The following DLG2 variants were observed in gnomAD, a reference collection of about 807,000 sequenced individuals.
DLG2 encodes the protein disks large homolog 2.
Under a neutral mutation model 132.5 loss-of-function variants are expected in DLG2, and 45 were observed. The observed-to-expected ratio is 0.34, with a 90% confidence interval of 0.27 to 0.44. The LOEUF (loss-of-function observed/expected upper bound fraction) is 0.44, where lower values mean the gene tolerates loss of function less well. Among genes scored for constraint, DLG2 ranks in the 20% least tolerant of loss-of-function variants. The pLI is 1.00. For synonymous variants in DLG2, 424 were observed against 419.6 expected (o/e 1.01, Z -0.13); for missense variants, 1,045 against 1,196.9 (o/e 0.87, Z 1.87).
At chr11:85,313,184 C>T (rs572301812) in intron 3 of DLG2, among the ~76,000 whole-genome samples, 2 of 152,032 alleles carry the variant, frequency 1.3e-5, no homozygotes, top group South Asian at 4.2e-4. Flanking sequence ...GGTGATCCCC[C>T]TTCCTCTTTT....
In DLG2 at chr11:85,111,733, T is replaced by C. The variant is rs373639792; in HGVS notation, c.285A>G (p.Gln95=). ...TCTGGGCTGGGCATCTGCCTTGGTT[T>C]TGCTGCAAATAAGTAAAAATTATAT... ...FENETDETTT[Q]NQGRCPAQNC... Residue 95 remains glutamine, a splice_region_variant and synonymous_variant, in exon 6 of 28, where the codon CAA becomes CAG. Transcript: ENST00000376104. 1 of 1,554,294 alleles carries C rather than the reference T, an allele frequency of 6.4e-7. No homozygotes were observed. Among genetic ancestry groups the C allele is most frequent in the Non-Finnish European group, 8.7e-7 (1 of 1,148,298 alleles).
chr11:85,118,371 T>C (rs74427247), intron 5 of DLG2, among the ~76,000 whole-genome samples: 2,959 of 152,166 alleles, frequency 0.019, 51 homozygotes, highest in Admixed American at 0.041. Context: ...CAGGCAGACA[T>C]TTGCCCAGGT....
chr11:85,452,773 G>A (rs949620482), intron 3 of DLG2: 2 of 155,288 alleles, frequency 1.3e-5, no homozygotes, highest in Non-Finnish European at 2.9e-5. Flanking sequence ...TCAACAACCA[G>A]AGGTTGTTGA....
At chr11:83,594,882 G>T (rs1293827918) in intron 19 of DLG2, among the ~76,000 whole-genome samples, 5 of 152,202 alleles carry the variant, frequency 3.3e-5, no homozygotes, top group African/African-American at 1.2e-4. Context: ...AATAGGCTTA[G>T]GCTCCATACA....
intron 15 of DLG2, 146 bp downstream of exon 15, chr11:83,930,182 A>G (rs940615711): frequency 1.1e-6 from 1 of 912,680 alleles, no homozygotes; most frequent in Non-Finnish European, 1.6e-6. Context: ...AATTTCTCCC[A>G]TTGCACCAAG....
intron 6 of DLG2, among the ~76,000 whole-genome samples, chr11:84,579,192 T>TGTGTGTGTGTGTGTGTGTGA (rs1264689749): frequency 7.3e-6 from 1 of 137,388 alleles, no homozygotes; most frequent in Non-Finnish European, 1.6e-5. Flanking sequence ...TATTCACGTG[T>TGTGTGTGTGTGTGTGTGTGA]GTGTGTGTGT....
chr11:83,885,281 C>T (rs551352956), intron 15 of DLG2, among the ~76,000 whole-genome samples: 3 of 152,122 alleles, frequency 2.0e-5, no homozygotes, highest in South Asian at 2.1e-4. Context: ...AGCCAAGGCT[C>T]GAGAACTACG....
At chr11:83,843,196 T>G (rs1271701108) in intron 16 of DLG2, among the ~76,000 whole-genome samples, 2 of 152,196 alleles carry the variant, frequency 1.3e-5, no homozygotes, top group African/African-American at 4.8e-5. Flanking sequence ...CTTACAAAGT[T>G]GCCAACCACA....
chr11:84,208,824 A>G (rs765500515), intron 8 of DLG2, among the ~76,000 whole-genome samples: 6 of 152,206 alleles, frequency 3.9e-5, no homozygotes, highest in Non-Finnish European at 7.3e-5. Flanking sequence ...GTTTACATGT[A>G]TACTGGTATT....
chr11:85,493,812 GAGGA>G (rs1460328522), intron 3 of DLG2, among the ~76,000 whole-genome samples: 2 of 146,556 alleles, frequency 1.4e-5, no homozygotes, highest in Non-Finnish European at 3.0e-5. Context: ...GGGAAGGAGG[GAGGA>G]AGGAAGGGAG....
chr11:85,049,897 C>A (rs1452046161), intron 6 of DLG2, among the ~76,000 whole-genome samples: 1 of 151,964 alleles, frequency 6.6e-6, no homozygotes, highest in African/African-American at 2.4e-5. Flanking sequence ...GTCATTAATT[C>A]GCTAATATCT....
rs2080029405 is a variant in DLG2, at chr11:85,599,852, CA to C, written c.-92-1065del. Among the ~76,000 whole-genome samples, 10 of 152,266 alleles carry C rather than the reference CA, an allele frequency of 6.6e-5. 1 individual carries two copies. The South Asian group carries it at 2.1e-3, about 32-fold the overall frequency. On this transcript the variant is annotated intron_variant, in intron 2 of 27. Coordinates refer to ENST00000376104, the MANE Select transcript of DLG2 (RefSeq NM_001142699.3). Reference sequence around the variant, plus strand: ...AATAATGTCTTCATCCTTCACAAGACAAAACATCCTTGAAAAAGTCACTAGA... The same window carrying C: ...AATAATGTCTTCATCCTTCACAAGACAAACATCCTTGAAAAAGTCACTAGA...
chr11:85,337,117 G>C (rs2082186975), intron 3 of DLG2, among the ~76,000 whole-genome samples: 2 of 152,168 alleles, frequency 1.3e-5, no homozygotes, highest in Non-Finnish European at 2.9e-5. Context: ...CGAAAGGCTA[G>C]GACACTTAAG....
chr11:83,533,498 T>C (rs1365314728), intron 20 of DLG2, among the ~76,000 whole-genome samples: 1 of 152,168 alleles, frequency 6.6e-6, no homozygotes, highest in Non-Finnish European at 1.5e-5. Flanking sequence ...CTGATATCAA[T>C]GTGGGAGCAC....
intron 6 of DLG2, among the ~76,000 whole-genome samples, chr11:85,102,932 G>A (rs1305729378): frequency 1.3e-5 from 2 of 151,926 alleles, no homozygotes; most frequent in Non-Finnish European, 2.9e-5. Flanking sequence ...TAAGGTTGCT[G>A]ATACAAGATT....
chr11:84,780,157 C>T (rs1476049549), intron 6 of DLG2, among the ~76,000 whole-genome samples: 1 of 151,968 alleles, frequency 6.6e-6, no homozygotes, highest in African/African-American at 2.4e-5. Context: ...CAAACCCAAT[C>T]CAACATCACA....
At chr11:83,897,172 G>A (rs68039436) in intron 15 of DLG2, among the ~76,000 whole-genome samples, 14,670 of 152,232 alleles carry the variant, frequency 0.096, 843 homozygotes, top group Middle Eastern at 0.2. Context: ...CTAGCCAGCA[G>A]AGCTAAGTTC....
intron 4 of DLG2, among the ~76,000 whole-genome samples, chr11:85,197,359 T>C (rs541105170): frequency 7.2e-5 from 11 of 152,174 alleles, no homozygotes; most frequent in Admixed American, 1.3e-4. Flanking sequence ...ACAATGCACA[T>C]ATTTATAGAT....
At chr11:83,755,763 CAGTG>C (rs2153745785) in intron 18 of DLG2, among the ~76,000 whole-genome samples, 1 of 151,288 alleles carries the variant, frequency 6.6e-6, no homozygotes, top group Non-Finnish European at 1.5e-5. Context: ...AAGAGGGAGA[CAGTG>C]AGGAATAGGA....
Sources: allele counts gnomAD v4.1 joint callset (sites outside exome capture counted in the v4.1 genomes callset), GRCh38; gene constraint gnomAD v4.1.1; transcripts MANE v1.5; gene names NCBI Gene and HGNC (gene_info 2026-07-23, HGNC 2026-07-21).